GSE1: variants seen among roughly 807,000 people sequenced by gnomAD.
The protein encoded by GSE1 is Gse1 coiled-coil protein.
In GSE1, 32 loss-of-function variants were observed where a neutral mutation model predicts 112.6. The ratio of observed to expected loss-of-function variants is 0.28; its 90% CI spans 0.21 to 0.38. The LOEUF is 0.38. Ranked by LOEUF, GSE1 falls within the 10% of genes least tolerant of loss-of-function variation. The pLI is 1.00. For synonymous variants in GSE1, 1,115 were observed against 735.6 expected (o/e 1.52, Z -8.35); for missense variants, 2,348 against 1,699.2 (o/e 1.38, Z -6.71).
intron 1 of GSE1, among the ~76,000 whole-genome samples, chr16:85,339,904 C>A (rs2046588045): frequency 6.6e-6 from 1 of 152,220 alleles, no homozygotes; most frequent in Non-Finnish European, 1.5e-5. Context: ...GTCTTACTCA[C>A]TGCCAAGTCC....
At chr16:85,633,007 C>T (rs1487342336) in intron 1 of GSE1, among the ~76,000 whole-genome samples, 2 of 117,396 alleles carry the variant, frequency 1.7e-5, no homozygotes, top group Non-Finnish European at 1.8e-5. Context: ...GGGCTCAGAC[C>T]TCTGGTGCCG....
chr16:85,476,530 G>A (rs920548404), intron 2 of GSE1, among the ~76,000 whole-genome samples: 5 of 152,328 alleles, frequency 3.3e-5, no homozygotes, highest in South Asian at 4.1e-4. Context: ...GTCACCAGCC[G>A]TTTTTGGTTC....
chr16:85,292,521 G>A (rs2045253289), intron 1 of GSE1, among the ~76,000 whole-genome samples: 1 of 152,124 alleles, frequency 6.6e-6, no homozygotes, highest in Admixed American at 6.5e-5. Flanking sequence ...TAGAGATGGG[G>A]TTTCACCATG....
chr16:85,387,613 T>G (rs749239992), intron 2 of GSE1, among the ~76,000 whole-genome samples: 9 of 152,382 alleles, frequency 5.9e-5, no homozygotes, highest in Non-Finnish European at 1.0e-4. Context: ...CTTGGGTTGC[T>G]TTCTTCCTCT....
At chr16:85,457,495 C>T (rs1471320051) in intron 2 of GSE1, among the ~76,000 whole-genome samples, 4 of 152,248 alleles carry the variant, frequency 2.6e-5, no homozygotes, top group African/African-American at 4.8e-5. Context: ...GCAGGCTTCA[C>T]AGTCTCCCTC....
chr16:85,178,207 C>T (rs2074507314), intron 1 of GSE1, among the ~76,000 whole-genome samples: 1 of 152,118 alleles, frequency 6.6e-6, no homozygotes, highest in Non-Finnish European at 1.5e-5. Flanking sequence ...GGGAAGACTT[C>T]CTGGAGGAGG....
rs575049733 is a variant in GSE1, at chr16:85,392,474, C to G, written c.2464+34831C>G. Reference sequence around the variant, plus strand: ...TGGGGTTTCTCCCTGGAGTGGTGAACATATTCTGAAATTGACTGTGGTGAG... The same window carrying G: ...TGGGGTTTCTCCCTGGAGTGGTGAAGATATTCTGAAATTGACTGTGGTGAG... On this transcript the variant is annotated intron_variant, in intron 2 of 2. Transcript: ENST00000637419. 3.3e-5 allele frequency among the ~76,000 whole-genome samples: 5 copies of G among 152,268 alleles called. No homozygotes were observed. The East Asian group carries it at 9.6e-4, about 29-fold the overall frequency.
chr16:85,548,243 A>AG (rs1008004726), intron 2 of GSE1, among the ~76,000 whole-genome samples: 36 of 132,190 alleles, frequency 2.7e-4, no homozygotes, highest in South Asian at 2.5e-4. Context: ...AAAAAAAAAA[A>AG]AAAGAAAGAA....
At position 85,601,158 on chromosome 16, in the gene GSE1, G is replaced by A. The variant is rs551350555; in HGVS notation, c.37+44795G>A. 1.3e-3 allele frequency among the ~76,000 whole-genome samples: 201 copies of A among 152,160 alleles called. 3 individuals are homozygous for A. Among genetic ancestry groups the A allele is most frequent in the African/African-American group, 4.7e-3 (195 of 41,480 alleles). On this transcript the variant is annotated intron_variant, in intron 1 of 2. Transcript: ENST00000635906. ...CCAGGGAAGGGTGGTGGGGCTGGGC[G>A]AGTCTAGAGAGACTGTGAGACGCTT... is the stretch of plus-strand genomic sequence containing the variant.
At chr16:85,508,467 G>A (rs1465052040) in intron 2 of GSE1, among the ~76,000 whole-genome samples, 3 of 152,220 alleles carry the variant, frequency 2.0e-5, no homozygotes, top group African/African-American at 7.2e-5. Flanking sequence ...GAAGCCAGCA[G>A]CTCCAGGAGG....
upstream of GSE1, among the ~76,000 whole-genome samples, chr16:85,551,219 CGGA>C (rs2044899542): frequency 6.6e-6 from 1 of 152,186 alleles, no homozygotes; most frequent in African/African-American, 2.4e-5. Flanking sequence ...CAGGCTTTTC[CGGA>C]GAAGTGTGGG....
At chr16:85,240,372 C>T (rs1301058541) in intron 1 of GSE1, among the ~76,000 whole-genome samples, 1 of 152,226 alleles carries the variant, frequency 6.6e-6, no homozygotes, top group African/African-American at 2.4e-5. Flanking sequence ...GCTCAGGCCC[C>T]CTCAGGGTAG....
At chr16:85,393,047 C>A (rs537077192) in intron 2 of GSE1, among the ~76,000 whole-genome samples, 9 of 152,346 alleles carry the variant, frequency 5.9e-5, no homozygotes, top group Non-Finnish European at 1.3e-4. Flanking sequence ...GAGGCCCTGT[C>A]AAGGCTGCTG....
intron 1 of GSE1, chr16:85,580,214 G>T (rs1180267081): frequency 2.0e-5 from 3 of 152,504 alleles, no homozygotes; most frequent in African/African-American, 7.2e-5. Context: ...TCACTCTGTG[G>T]ATGTTTGCTG....
Position 85,645,564 on chromosome 16 carries a change from C to T in GSE1, c.227-2988C>T, listed in dbSNP as rs1006056591. ...AAGTTCTGTTTCCACATCGGGATGC[C>T]TGTGGGGCCTCTGCCTCCTGGTCAC... On this transcript the variant is annotated intron_variant, in intron 2 of 15. Coordinates refer to ENST00000253458, the MANE Select transcript of GSE1 (RefSeq NM_014615.5). Among the ~76,000 whole-genome samples the T allele has an allele frequency of 5.3e-5, 8 of 149,852 alleles. No individual in the cohort carries two copies. The East Asian group carries it at 5.8e-4, about 11-fold the overall frequency.
intron 2 of GSE1, among the ~76,000 whole-genome samples, chr16:85,386,437 C>T (rs980249560): frequency 2.6e-5 from 4 of 152,182 alleles, no homozygotes; most frequent in African/African-American, 7.2e-5. Flanking sequence ...ACGTAACGCA[C>T]GGGGGTTTGA....
At chr16:85,519,712 G>A (rs2052110506) in intron 2 of GSE1, among the ~76,000 whole-genome samples, 1 of 117,070 alleles carries the variant, frequency 8.5e-6, no homozygotes, top group South Asian at 2.8e-4. Flanking sequence ...CTCCATCACT[G>A]TCATCATCAT....
At chr16:85,199,231 A>G (rs961370624) in intron 1 of GSE1, among the ~76,000 whole-genome samples, 2 of 152,028 alleles carry the variant, frequency 1.3e-5, no homozygotes, top group African/African-American at 2.4e-5. Context: ...TGCTGGAATT[A>G]TAGGCATGAG....
chr16:85,320,369 G>A (rs2151497418), intron 1 of GSE1, among the ~76,000 whole-genome samples: 1 of 152,332 alleles, frequency 6.6e-6, no homozygotes, highest in African/African-American at 2.4e-5. Flanking sequence ...TGGAGCAGAC[G>A]CCCAGTTTTC....
Sources: allele counts gnomAD v4.1 joint callset (sites outside exome capture counted in the v4.1 genomes callset), GRCh38; gene constraint gnomAD v4.1.1; transcripts MANE v1.5; gene names NCBI Gene and HGNC (gene_info 2026-07-23, HGNC 2026-07-21).